Variants in SLC16A6 observed in about 807,000 individuals in gnomAD.
SLC16A6 encodes solute carrier family 16 member 6.
A neutral mutation model predicts 33.8 loss-of-function variants in SLC16A6; 15 were observed. The ratio of observed to expected loss-of-function variants is 0.44; its 90% confidence interval spans 0.30 to 0.68. The LOEUF is 0.68. SLC16A6 is among the 30% of genes least tolerant of loss of function. SLC16A6 has a pLI of 0.10. For missense variants in SLC16A6, 451 were observed against 661.5 expected, an observed-to-expected ratio of 0.68 and a Z score of 3.49; for synonymous variants, 219 against 248.4, an observed-to-expected ratio of 0.88 and a Z score of 1.11.
At chr17:68,291,472 G>A (rs1189739668), upstream of SLC16A6, 4 of 150,808 alleles carry the variant, frequency 2.7e-5, no homozygotes, top group Non-Finnish European at 5.9e-5. Context: ...CAGCCAAGGA[G>A]GGGGCCTGCC....
chr17:68,287,205 C>G (rs2075860917), intron 1 of SLC16A6, among the ~76,000 whole-genome samples: 1 of 152,186 alleles, frequency 6.6e-6, no homozygotes, highest in Non-Finnish European at 1.5e-5. Flanking sequence ...GTCTTGAACT[C>G]CTAACCTCAG....
At position 68,290,178 on chromosome 17, in the gene SLC16A6, C is replaced by G. The variant is rs192965761; in HGVS notation, c.-8+908G>C. 7.9e-5 allele frequency among the ~76,000 whole-genome samples: 12 copies of G among 152,318 alleles called. No homozygotes were observed. The East Asian group carries it at 2.1e-3, about 27-fold the overall frequency. On this transcript the variant is annotated intron_variant, in intron 1 of 5. Coordinates refer to ENST00000580666, the MANE Select transcript of SLC16A6 (RefSeq NM_004694.5). The stretch of plus-strand genomic sequence containing the variant: ...GGCACGGAGTGTCTAACCGTGCAAA[C>G]AAAACCGGCTTCCAGGTTGACAAGT...
intron 3 of SLC16A6, among the ~76,000 whole-genome samples, chr17:68,273,591 G>T (rs1402096296): frequency 2.0e-5 from 3 of 152,108 alleles, no homozygotes; most frequent in African/African-American, 7.2e-5. Context: ...TTCCCCTACA[G>T]CCCTGGATCC....
upstream of SLC16A6, chr17:68,291,331 G>C (rs1344589327): frequency 7.5e-6 from 1 of 133,966 alleles, no homozygotes; most frequent in African/African-American, 2.9e-5. Context: ...CCTGCGACCC[G>C]GGCCGTGCGT....
intron 3 of SLC16A6, among the ~76,000 whole-genome samples, chr17:68,273,212 T>TC (rs1449524966): frequency 1.4e-5 from 2 of 145,992 alleles, no homozygotes; most frequent in African/African-American, 5.2e-5. Flanking sequence ...TTCATTTCAT[T>TC]TTTTTTTTTT....
intron 5 of SLC16A6, among the ~76,000 whole-genome samples, chr17:68,269,678 T>G (rs1426759466): frequency 2.1e-5 from 3 of 144,462 alleles, no homozygotes; most frequent in Non-Finnish European, 4.5e-5. Flanking sequence ...TTTAGGTTTT[T>G]TTTTTTTTTT....
intron 1 of SLC16A6, among the ~76,000 whole-genome samples, chr17:68,280,944 G>A (rs2075675149): frequency 6.6e-6 from 1 of 152,076 alleles, no homozygotes; most frequent in African/African-American, 2.4e-5. Flanking sequence ...GGGCAACATG[G>A]TGAGATGCCA....
chr17:68,271,092 A>C lies in SLC16A6; in HGVS notation c.1068T>G (p.Ile356Met). The part of the protein sequence containing the change: ...GAGFVLNREP[I>M]RKIYIELICV... Reference sequence around the variant, plus strand: ...AGATGAGCTCAATGTAAATCTTACGAATGGGCTCCCTGTTGAGGACAAAAC... The same window carrying C: ...AGATGAGCTCAATGTAAATCTTACGCATGGGCTCCCTGTTGAGGACAAAAC... Residue 356 changes from isoleucine to methionine, a missense_variant, in exon 5 of 6, where the codon ATT becomes ATG. By Grantham distance (10) the Ile-to-Met change is conservative. Coordinates refer to ENST00000580666, the MANE Select transcript of SLC16A6 (RefSeq NM_004694.5). This position sits in a 1 kb window ranked among gnomAD's most constrained non-coding sequence, Gnocchi z 5.3. 6.2e-7 allele frequency: 1 copy of C among 1,614,212 alleles called. No individual in the cohort carries two copies. Among genetic ancestry groups the C allele is most frequent in the African/African-American group, 1.3e-5 (1 of 75,056 alleles).
chr17:68,285,848 T>C (rs2145169686), intron 1 of SLC16A6, among the ~76,000 whole-genome samples: 1 of 151,584 alleles, frequency 6.6e-6, no homozygotes, highest in African/African-American at 2.4e-5. Context: ...GCCACCTCCA[T>C]CCCCCAGGTT....
At chr17:68,285,275 C>G (rs148295016) in intron 1 of SLC16A6, among the ~76,000 whole-genome samples, 1 of 152,272 alleles carries the variant, frequency 6.6e-6, no homozygotes, top group East Asian at 1.9e-4. Flanking sequence ...ATGGAGGGCT[C>G]AGGACCACCT....
chr17:68,287,550 G>C (rs1380820941), intron 1 of SLC16A6, among the ~76,000 whole-genome samples: 1 of 152,144 alleles, frequency 6.6e-6, no homozygotes, highest in Non-Finnish European at 1.5e-5. Context: ...CTTTATGTCT[G>C]AGCTATTCTA....
chr17:68,278,008 C>T lies in SLC16A6; in HGVS notation c.232+81G>A, dbSNP rs573622082. ...TATAAGGGAATGAAAGCATCACAAACACATCGACTACCATTACCAAGGTAG... is the reference window on the plus strand; with the variant it reads ...TATAAGGGAATGAAAGCATCACAAATACATCGACTACCATTACCAAGGTAG... On this transcript the variant is annotated intron_variant, in intron 2 of 5. Transcript: ENST00000580666. 21 of 890,980 alleles carry T rather than the reference C, an allele frequency of 2.4e-5. No individual in the cohort carries two copies. In the African/African-American group the frequency reaches 3.2e-4, roughly 14 times the overall value. 55.2% of individuals were successfully genotyped at this position (890,980 alleles called of 1,614,324 possible).
intron 1 of SLC16A6, among the ~76,000 whole-genome samples, chr17:68,281,857 T>G (rs1240723715): frequency 6.6e-6 from 1 of 152,080 alleles, no homozygotes; most frequent in Non-Finnish European, 1.5e-5. Context: ...AGTATGGAGC[T>G]TCCTCAAAAA....
In SLC16A6 at chr17:68,269,186, C is replaced by T; in HGVS notation, c.1482G>A (p.Gly494=). ...CTTCAGGTATGTCCTGTAAAGTCTT[C>T]CCACGATGGCTCACTACCTTTGTTT... ...SGETKVVSHR[G]KTLQDIPEDF... The change falls in exon 6 of 6, where the codon GGG becomes GGA. Residue 494 remains glycine (G), a synonymous_variant. Coordinates refer to ENST00000580666, the MANE Select transcript of SLC16A6 (RefSeq NM_004694.5). 6.4e-7 allele frequency: 1 copy of T among 1,564,478 alleles called. No homozygotes were observed. The highest frequency in any genetic ancestry group is 8.6e-7 in the Non-Finnish European group (1 of 1,156,336).
In SLC16A6 at chr17:68,267,389, T is replaced by G. The variant is rs1047525; in HGVS notation, c.*1707A>C. 2.8e-4 allele frequency: 43 copies of G among 152,308 alleles called. No individual in the cohort carries two copies. Among genetic ancestry groups the G allele is most frequent in the East Asian group, 1.2e-3 (6 of 5,190 alleles). 9.4% of individuals were successfully genotyped at this position (152,308 alleles called of 1,614,324 possible). ...ATTATGCCTGTTTTTGACAGACACTTTGTCATTTCCTCCCCCACCCTCCCC... is the reference window on the plus strand; with the variant it reads ...ATTATGCCTGTTTTTGACAGACACTGTGTCATTTCCTCCCCCACCCTCCCC... On this transcript the variant is annotated 3_prime_UTR_variant, in exon 6 of 6. Transcript: ENST00000580666.
chr17:68,277,381 C>T (rs1231552199), intron 2 of SLC16A6, among the ~76,000 whole-genome samples: 2 of 151,856 alleles, frequency 1.3e-5, no homozygotes, highest in Non-Finnish European at 2.9e-5. Flanking sequence ...CCACCTGCCT[C>T]GGCTTTCCAA....
intron 1 of SLC16A6, among the ~76,000 whole-genome samples, chr17:68,280,179 C>CAAAAAA (rs58937538): frequency 2.3e-5 from 2 of 87,564 alleles, no homozygotes; most frequent in Non-Finnish European, 4.6e-5. Flanking sequence ...AACTCTGTCT[C>CAAAAAA]AAAAAAAAAA....
intron 1 of SLC16A6, among the ~76,000 whole-genome samples, chr17:68,282,492 T>TAA (rs61418415): frequency 1.0e-4 from 15 of 145,366 alleles, no homozygotes; most frequent in Non-Finnish European, 1.8e-4. Context: ...CCCTAGAACT[T>TAA]AAAAAAAAAA....
In SLC16A6 at chr17:68,278,116, T is replaced by C. The variant is rs1555751584; in HGVS notation, c.205A>G (p.Ile69Val). 1.9e-6 allele frequency: 3 copies of C among 1,613,846 alleles called. No homozygotes were observed. Among genetic ancestry groups the C allele is most frequent in the Admixed American group, 1.7e-5 (1 of 59,998 alleles). The change falls in exon 2 of 6, where the codon ATC becomes GTC. Residue 69 changes from isoleucine (I) to valine (V), a missense_variant. Around this residue, in one of 2 missense-constraint regions of SLC16A6, gnomAD observed 405 missense variants for 510.7 expected, o/e 0.79. Transcript: ENST00000580666. ...GAAAATGTTAAGACAAACACACAGA[T>C]TGAGATTATCCATGAGATCCTGCTA... is the stretch of plus-strand genomic sequence containing the variant. ...SNSRISWIIS[I>V]CVFVLTFSAP...
Sources: gnomAD v4.1 joint callset for allele counts (sites outside exome capture counted in the v4.1 genomes callset) on GRCh38, gnomAD v4.1.1 for gene constraint, gnomAD v4.1.1 regional missense constraint, Gnocchi (gnomAD v3.1) non-coding constraint, MANE v1.5 for transcripts, NCBI Gene and HGNC (gene_info 2026-07-23, HGNC 2026-07-21) for gene names.